The following TSPAN7 variants were observed in gnomAD, a reference collection of about 807,000 sequenced individuals.
TSPAN7 encodes the protein tetraspanin-7.
TSPAN7 carries 1 observed loss-of-function variant against 17.6 expected under a neutral mutation model. That is an observed-to-expected ratio of 0.06 (90% CI 0.02 to 0.27). The LOEUF is 0.27. TSPAN7 is among the 10% of genes least tolerant of loss of function. TSPAN7 has a pLI of 1.00. For missense variants in TSPAN7, 112 were observed against 201.7 expected (o/e 0.56, Z 2.69); for synonymous variants, 78 against 79.0 (o/e 0.99, Z 0.07).
rs1219070082 is a variant in TSPAN7 at position 38,568,190 on chromosome X, C to T, written c.81+6563C>T. Among the ~76,000 whole-genome samples, 3 of 110,839 alleles carry T rather than the reference C, an allele frequency of 2.7e-5. No homozygotes were observed. The East Asian group carries it at 8.4e-4, about 31-fold the overall frequency. On this transcript the variant is annotated intron_variant, in intron 1 of 7. Transcript: ENST00000378482. ...ACTAGTATTTTCTGGGCCTTTGAAACAGTGGACATCAATATAGTCTCCCTT... is the reference window on the plus strand; with the variant it reads ...ACTAGTATTTTCTGGGCCTTTGAAATAGTGGACATCAATATAGTCTCCCTT...
chrX:38,562,113 G>A (rs5963512), intron 1 of TSPAN7, among the ~76,000 whole-genome samples: 14,286 of 111,094 alleles, frequency 0.13, 921 homozygotes, highest in African/African-American at 0.24. Context: ...GACCCCACGG[G>A]GCTGCGGGAG....
At chrX:38,607,421 T>C (rs961673283) in intron 1 of TSPAN7, among the ~76,000 whole-genome samples, 1 of 111,387 alleles carries the variant, frequency 9.0e-6, no homozygotes, top group Admixed American at 9.5e-5. Context: ...TAAATGATAC[T>C]CTCACTGTGC....
chrX:38,669,317 C>T (rs776644428), intron 2 of TSPAN7, among the ~76,000 whole-genome samples: 2 of 111,658 alleles, frequency 1.8e-5, no homozygotes, highest in South Asian at 7.5e-4. Flanking sequence ...TTTTATTTTT[C>T]TCCTCACTAC....
Position 38,632,616 on chromosome X carries a change from T to C in TSPAN7, c.82-33505T>C, listed in dbSNP as rs148833316. ...TGGAAAAAGTTGAAATCTGGTTCAA[T>C]TTCATAATTTAATGTTTTAACATTC... On this transcript the variant is annotated intron_variant, in intron 1 of 7. Coordinates refer to ENST00000378482, the MANE Select transcript of TSPAN7 (RefSeq NM_004615.4). Among the ~76,000 whole-genome samples the C allele has an allele frequency of 7.5e-3, 848 of 112,703 alleles. 6 individuals carry two copies. The highest frequency in any genetic ancestry group is 0.013 in the Non-Finnish European group (712 of 53,297).
intron 4 of TSPAN7, 33 bp from the exon 5 acceptor site, chrX:38,675,672 A>T (rs748773150): frequency 4.3e-5 from 52 of 1,208,491 alleles, no homozygotes; most frequent in Admixed American, 1.3e-4. Context: ...TTGATCTGCC[A>T]TTTTTTTATT....
intron 1 of TSPAN7, among the ~76,000 whole-genome samples, chrX:38,660,019 G>T (rs1038142528): frequency 1.8e-4 from 19 of 108,262 alleles, no homozygotes; most frequent in Non-Finnish European, 3.1e-4. Flanking sequence ...TAGAGATGGG[G>T]TTTCACCATG....
intron 3 of TSPAN7, 105 bp from the exon 4 acceptor site, chrX:38,674,116 T>C (rs887424169): frequency 4.7e-6 from 3 of 639,996 alleles, no homozygotes; most frequent in Non-Finnish European, 7.6e-6. Flanking sequence ...CCTACATTTA[T>C]ACAGAGACTT....
chrX:38,640,457 A>G (rs182873472), intron 1 of TSPAN7, among the ~76,000 whole-genome samples: 1 of 111,978 alleles, frequency 8.9e-6, no homozygotes, highest in African/African-American at 3.2e-5. Context: ...CTTATTACCT[A>G]TCTGATAAAG....
intron 3 of TSPAN7, among the ~76,000 whole-genome samples, chrX:38,672,430 C>G (rs886349605): frequency 1.8e-5 from 2 of 110,223 alleles, no homozygotes; most frequent in African/African-American, 6.6e-5. Context: ...GCTCTCTGCT[C>G]CCCTACTGCC....
chrX:38,651,531 G>T (rs2069676284), intron 1 of TSPAN7, among the ~76,000 whole-genome samples: 1 of 111,892 alleles, frequency 8.9e-6, no homozygotes, highest in Admixed American at 9.4e-5. Context: ...AGGATGAAAT[G>T]ATTATTGTCT....
chrX:38,671,579 G>T, intron 3 of TSPAN7, 129 bp downstream of exon 3: 1 of 671,409 alleles, frequency 1.5e-6, no homozygotes, highest in South Asian at 2.3e-5. Flanking sequence ...GTTTTCCAAA[G>T]ATCATGTCAT....
At chrX:38,666,890 G>A (rs1322029106) in intron 2 of TSPAN7, among the ~76,000 whole-genome samples, 8 of 112,008 alleles carry the variant, frequency 7.1e-5, no homozygotes, top group African/African-American at 3.2e-5. Flanking sequence ...TTGAGCCATC[G>A]TGCCCGGCCT....
At chrX:38,572,909 G>T (rs1001137360) in intron 1 of TSPAN7, among the ~76,000 whole-genome samples, 8 of 111,436 alleles carry the variant, frequency 7.2e-5, no homozygotes, top group Middle Eastern at 9.1e-3. Context: ...GCATTCTATT[G>T]CAGAGGATTT....
At chrX:38,653,056 G>T (rs2069684347) in intron 1 of TSPAN7, among the ~76,000 whole-genome samples, 1 of 112,081 alleles carries the variant, frequency 8.9e-6, no homozygotes, top group Non-Finnish European at 1.9e-5. Context: ...CTGCCTTCGA[G>T]TTGGACAGAA....
intron 1 of TSPAN7, chrX:38,562,806 C>T: frequency 3.6e-6 from 1 of 275,795 alleles, no homozygotes; most frequent in Non-Finnish European, 6.2e-6. Flanking sequence ...TATCGACCCT[C>T]TTCCCCCCTT....
intron 1 of TSPAN7, among the ~76,000 whole-genome samples, chrX:38,612,035 G>T (rs1029978583): frequency 9.0e-6 from 1 of 111,605 alleles, no homozygotes; most frequent in Non-Finnish European, 1.9e-5. Context: ...AAACCTAGCT[G>T]TGCAAGGAAA....
intron 1 of TSPAN7, among the ~76,000 whole-genome samples, chrX:38,643,197 T>G (rs1245940999): frequency 9.0e-6 from 1 of 110,614 alleles, no homozygotes; most frequent in African/African-American, 3.3e-5. Flanking sequence ...TAACCCACAT[T>G]GGGCTATAAA....
At chrX:38,679,047 C>T (rs1357465961) in intron 5 of TSPAN7, among the ~76,000 whole-genome samples, 5 of 112,016 alleles carry the variant, frequency 4.5e-5, no homozygotes, top group Non-Finnish European at 9.4e-5. Context: ...TATTTCGGCT[C>T]AGTTGTACTA....
chrX:38,562,776 C>T (rs1396497795), intron 1 of TSPAN7, among the ~76,000 whole-genome samples: 3 of 111,560 alleles, frequency 2.7e-5, no homozygotes, highest in Non-Finnish European at 5.7e-5. Context: ...CAAGCTACAG[C>T]TACCCCGCAG....
Sources: gnomAD v4.1 joint callset for allele counts (sites outside exome capture counted in the v4.1 genomes callset) on GRCh38, gnomAD v4.1.1 for gene constraint, MANE v1.5 for transcripts, NCBI Gene and HGNC (gene_info 2026-07-23, HGNC 2026-07-21) for gene names.